Variants in KIAA0513 observed in about 807,000 individuals in gnomAD.
KIAA0513 encodes KIAA0513.
A neutral mutation model predicts 56.5 loss-of-function variants in KIAA0513; 39 were observed. That is an observed-to-expected ratio of 0.69 (90% CI 0.53 to 0.90). The LOEUF is 0.90. Among genes scored for constraint, KIAA0513 ranks in the 40% least tolerant of loss-of-function variants. The pLI is 0.00. For missense variants in KIAA0513, 591 were observed against 535.2 expected, an observed-to-expected ratio of 1.10 and a Z score of -1.03; for synonymous variants, 268 against 215.6, an observed-to-expected ratio of 1.24 and a Z score of -2.13.
rs34345119 is a variant in KIAA0513 at position 85,048,530 on chromosome 16, C to CT, written c.-172-18363dup. On this transcript the variant is annotated intron_variant, in intron 1 of 12. Transcript: ENST00000683363. Reference sequence around the variant, plus strand: ...TTCTCTCACTCTCACCCTCTCCCCCCTTTTTTTCTCAAAAAACAAAGCTTT... The same window carrying CT: ...TTCTCTCACTCTCACCCTCTCCCCCCTTTTTTTTCTCAAAAAACAAAGCTTT... Among the ~76,000 whole-genome samples the CT allele has an allele frequency of 4.6e-5, 7 of 151,908 alleles. No individual in the cohort carries two copies. The South Asian group carries it at 6.2e-4, about 14-fold the overall frequency.
Position 85,089,207 on chromosome 16 carries a change from C to T in KIAA0513, c.*882C>T, listed in dbSNP as rs1377059214. ...AGAAGTTTCTTTAGTAGCCACTAGA[C>T]AACCACCCTTTCTGAAAGCAAACAG... On this transcript the variant is annotated 3_prime_UTR_variant, in exon 13 of 13. Transcript: ENST00000683363. This position sits in a 1 kb window ranked among gnomAD's most constrained non-coding sequence, Gnocchi z 4.2. 1 of 152,296 alleles carries T rather than the reference C, an allele frequency of 6.6e-6. No individual in the cohort carries two copies. The highest frequency in any genetic ancestry group is 2.1e-4 in the South Asian group (1 of 4,838). 9.4% of individuals were successfully genotyped at this position (152,296 alleles called of 1,614,324 possible).
chr16:85,073,817 C>G (rs1937978280), intron 4 of KIAA0513, among the ~76,000 whole-genome samples: 1 of 152,222 alleles, frequency 6.6e-6, no homozygotes, highest in Non-Finnish European at 1.5e-5. Context: ...CCCCACGTCC[C>G]CTCCTGGTCC....
In KIAA0513 at chr16:85,092,654, C is replaced by T. The variant is rs780453400; in HGVS notation, c.*4329C>T. The T allele has an allele frequency of 8.5e-5, 13 of 152,232 alleles. No individual in the cohort carries two copies. The highest frequency in any genetic ancestry group is 6.5e-4 in the Admixed American group (10 of 15,278). 9.4% of individuals were successfully genotyped at this position (152,232 alleles called of 1,614,324 possible). A position where few individuals can be genotyped will look rare whatever the true frequency, so the allele number is the denominator to read the frequency against. ...TGAACCATTTTTCTTAGGATGCAGC[C>T]GTCTCACTCCCTTGTCCTGTAAATC... On this transcript the variant is annotated 3_prime_UTR_variant, in exon 13 of 13. Transcript: ENST00000683363.
At chr16:85,029,911 G>A (rs2143820019) in intron 1 of KIAA0513, among the ~76,000 whole-genome samples, 1 of 152,322 alleles carries the variant, frequency 6.6e-6, no homozygotes, top group Admixed American at 6.5e-5. Flanking sequence ...AGGAAACTGA[G>A]GCTGAGTGAC....
At chr16:85,047,227 A>G (rs907761558) in intron 1 of KIAA0513, among the ~76,000 whole-genome samples, 4 of 152,162 alleles carry the variant, frequency 2.6e-5, no homozygotes, top group African/African-American at 9.6e-5. Flanking sequence ...GGCCCCGGGC[A>G]TGCTCCGTCC....
At chr16:85,035,705 G>A (rs934171136) in intron 1 of KIAA0513, among the ~76,000 whole-genome samples, 3 of 152,022 alleles carry the variant, frequency 2.0e-5, no homozygotes, top group African/African-American at 4.8e-5. Context: ...TTGGCTGGGC[G>A]CGGTGGCTCA....
intron 1 of KIAA0513, among the ~76,000 whole-genome samples, chr16:85,060,186 C>G (rs1329708168): frequency 2.6e-5 from 4 of 152,180 alleles, no homozygotes; most frequent in Admixed American, 1.3e-4. Flanking sequence ...GTCTTGAACT[C>G]CTGACCTCAG....
chr16:85,078,194 T>C (rs2073687264), intron 6 of KIAA0513, among the ~76,000 whole-genome samples: 1 of 152,170 alleles, frequency 6.6e-6, no homozygotes, highest in Admixed American at 6.5e-5. Context: ...CCATTCAGCT[T>C]TGGATTCAGA....
chr16:85,029,296 C>G (rs963063135), intron 1 of KIAA0513, among the ~76,000 whole-genome samples: 1 of 152,176 alleles, frequency 6.6e-6, no homozygotes, highest in Non-Finnish European at 1.5e-5. Context: ...TCACTAACCT[C>G]TCTGTGTTAC....
chr16:85,058,536 C>T (rs2073360852), intron 1 of KIAA0513, among the ~76,000 whole-genome samples: 1 of 151,812 alleles, frequency 6.6e-6, no homozygotes, highest in Non-Finnish European at 1.5e-5. Context: ...CCTGTAATTC[C>T]AGCTACTTGG....
chr16:85,074,155 A>C (rs185308068), intron 4 of KIAA0513, among the ~76,000 whole-genome samples: 2 of 151,890 alleles, frequency 1.3e-5, no homozygotes, highest in Admixed American at 1.3e-4. Context: ...TTGTATTTTT[A>C]GTAGAGACAG....
At chr16:85,050,513 AC>A (rs1194762081) in intron 1 of KIAA0513, among the ~76,000 whole-genome samples, 1 of 151,912 alleles carries the variant, frequency 6.6e-6, no homozygotes, top group Non-Finnish European at 1.5e-5. Context: ...ACAGGGTTTC[AC>A]CATGTTGGCC....
At chr16:85,029,161 AAC>A (rs2072928753) in intron 1 of KIAA0513, among the ~76,000 whole-genome samples, 1 of 152,196 alleles carries the variant, frequency 6.6e-6, no homozygotes, top group Admixed American at 6.5e-5. Context: ...ACGCCTTTGA[AAC>A]ACAGGACGAA....
chr16:85,084,056 A>ATTTTT (rs66814882), intron 10 of KIAA0513, among the ~76,000 whole-genome samples: 2 of 70,776 alleles, frequency 2.8e-5, no homozygotes, highest in Non-Finnish European at 2.6e-5. Context: ...AACTCTTCTA[A>ATTTTT]TTTTTTTTTT....
Position 85,077,524 on chromosome 16 carries a change from A to G in KIAA0513, c.674A>G (p.Asp225Gly), listed in dbSNP as rs1281828024. ...SANSWLAEKK[D>G]IAERLLKNTS... ...AACAGCTGGCTGGCCGAAAAGAAGG[A>G]CATCGCCGAGCGGCTGCTGAAGAAC... The change falls in exon 6 of 13, where the codon GAC becomes GGC. Residue 225 changes from aspartate (D) to glycine (G), a missense_variant. Coordinates refer to ENST00000683363, the MANE Select transcript of KIAA0513 (RefSeq NM_001388359.1). 2 of 1,614,196 alleles carry G rather than the reference A, an allele frequency of 1.2e-6. No homozygotes were observed. The highest frequency in any genetic ancestry group is 1.7e-6 in the Non-Finnish European group (2 of 1,180,022).
At chr16:85,071,563 G>C (rs2073574148) in intron 2 of KIAA0513, among the ~76,000 whole-genome samples, 1 of 152,136 alleles carries the variant, frequency 6.6e-6, no homozygotes, top group South Asian at 2.1e-4. Flanking sequence ...CTCTCAAGCC[G>C]GCGTGTGATT....
At chr16:85,063,702 G>C (rs1394270456) in intron 1 of KIAA0513, 1 of 152,098 alleles carries the variant, frequency 6.6e-6, no homozygotes, top group African/African-American at 2.4e-5. Context: ...TTAGGATAAT[G>C]AACAAAATGA....
intron 10 of KIAA0513, among the ~76,000 whole-genome samples, chr16:85,085,536 A>C (rs1183687183): frequency 6.6e-6 from 1 of 152,232 alleles, no homozygotes; most frequent in Non-Finnish European, 1.5e-5. Context: ...TTTAGGGGGA[A>C]AGGGGCTCAA....
In KIAA0513 at chr16:85,091,323, C is replaced by A. The variant is rs560090482; in HGVS notation, c.*2998C>A. 5.9e-5 allele frequency: 9 copies of A among 152,296 alleles called. No individual in the cohort carries two copies. The East Asian group carries it at 1.2e-3, about 20-fold the overall frequency. The allele number at this position is 152,296 out of a possible 1,614,324, so 9.4% of individuals were successfully genotyped here. On this transcript the variant is annotated 3_prime_UTR_variant, in exon 13 of 13. Transcript: ENST00000683363. Reference sequence around the variant, plus strand: ...TAGCAACATTGATGTCTAAGAGGGGCCGTGGTAATAGATTGCATCTGCCCT... The same window carrying A: ...TAGCAACATTGATGTCTAAGAGGGGACGTGGTAATAGATTGCATCTGCCCT...
Sources: allele counts gnomAD v4.1 joint callset (sites outside exome capture counted in the v4.1 genomes callset), GRCh38; gene constraint gnomAD v4.1.1; non-coding constraint Gnocchi (gnomAD v3.1); transcripts MANE v1.5; gene names NCBI Gene and HGNC (gene_info 2026-07-23, HGNC 2026-07-21).